The following ANKRD44 variants were observed in gnomAD, a reference collection of about 807,000 sequenced individuals.
The protein encoded by ANKRD44 is serine/threonine-protein phosphatase 6 regulatory ankyrin repeat subunit B.
Under a neutral mutation model 116.0 loss-of-function variants are expected in ANKRD44, and 35 were observed. The observed-to-expected ratio is 0.30, with a 90% CI of 0.23 to 0.40. The LOEUF (loss-of-function observed/expected upper bound fraction) is 0.40. ANKRD44 is among the 10% of genes least tolerant of loss of function. ANKRD44 has a pLI of 1.00. For missense variants in ANKRD44, 1,014 were observed against 1,242.6 expected (o/e 0.82, Z 2.77); for synonymous variants, 435 against 461.8 (o/e 0.94, Z 0.74).
chr2:197,058,342 T>C (rs1229703629), intron 16 of ANKRD44, among the ~76,000 whole-genome samples: 2 of 151,564 alleles, frequency 1.3e-5, no homozygotes, highest in Non-Finnish European at 2.9e-5. Flanking sequence ...AGAAAAGCAC[T>C]GGAGTTGAAT....
chr2:197,209,024 G>A (rs2081270019), intron 1 of ANKRD44, among the ~76,000 whole-genome samples: 1 of 152,184 alleles, frequency 6.6e-6, no homozygotes, highest in Non-Finnish European at 1.5e-5. Flanking sequence ...TAACAGGCAA[G>A]ACTATTAGAG....
At chr2:196,969,904 C>A (rs905535749) in intron 21 of ANKRD44, among the ~76,000 whole-genome samples, 2 of 152,082 alleles carry the variant, frequency 1.3e-5, no homozygotes, top group African/African-American at 4.8e-5. Context: ...AAGAATATAT[C>A]CTTTTAGGAA....
intron 1 of ANKRD44, among the ~76,000 whole-genome samples, chr2:197,272,331 C>T (rs550278682): frequency 3.3e-5 from 5 of 152,288 alleles, no homozygotes; most frequent in East Asian, 3.9e-4. Context: ...CTCCGCCTCC[C>T]GGGTTCAAGC....
intron 16 of ANKRD44, among the ~76,000 whole-genome samples, chr2:197,069,486 C>T (rs62279193): frequency 0.12 from 18,910 of 152,074 alleles, 1,410 homozygotes; most frequent in Non-Finnish European, 0.17. Context: ...AATTGCTTTT[C>T]CACCTTTGTT....
At chr2:197,174,110 T>C (rs2080306253) in intron 2 of ANKRD44, among the ~76,000 whole-genome samples, 1 of 152,180 alleles carries the variant, frequency 6.6e-6, no homozygotes, top group African/African-American at 2.4e-5. Context: ...CTTATGAAAA[T>C]TCTTACATGG....
At chr2:197,151,525 C>G (rs1000969759) in intron 2 of ANKRD44, among the ~76,000 whole-genome samples, 3 of 152,008 alleles carry the variant, frequency 2.0e-5, no homozygotes, top group Admixed American at 2.0e-4. Context: ...TAGACAGCAT[C>G]TAAAATTTTG....
In ANKRD44 at chr2:196,975,787, C is replaced by CA. The variant is rs1298655216; in HGVS notation, c.2369-8342dup. Among the ~76,000 whole-genome samples, 192 of 58,408 alleles carry CA rather than the reference C, an allele frequency of 3.3e-3. 1 individual carries two copies. Among genetic ancestry groups the CA allele is most frequent in the East Asian group, 0.025 (63 of 2,522 alleles). The allele number at this position is 58,408 out of a possible 152,430, so 38.3% of individuals were successfully genotyped here. A position where few individuals can be genotyped will look rare whatever the true frequency, so the allele number is the denominator to read the frequency against. On this transcript the variant is annotated intron_variant, in intron 21 of 21. Coordinates refer to the ANKRD44 transcript ENST00000424317. ...TGGGTGACAGAGCTAGTCTCTGTCT[C>CA]AAAAAAAAAAAAGAAAAAGAAAAAA... is the stretch of plus-strand genomic sequence containing the variant.
intron 1 of ANKRD44, among the ~76,000 whole-genome samples, chr2:197,227,237 G>A (rs1382434216): frequency 1.3e-5 from 2 of 152,238 alleles, no homozygotes; most frequent in Non-Finnish European, 2.9e-5. Flanking sequence ...TGAACTAAAA[G>A]CCTTCATATA....
chr2:197,160,089 T>C (rs2125493213), intron 2 of ANKRD44, among the ~76,000 whole-genome samples: 1 of 152,156 alleles, frequency 6.6e-6, no homozygotes, highest in African/African-American at 2.4e-5. Context: ...CACATACGCA[T>C]GCACTTTCAT....
intron 2 of ANKRD44, among the ~76,000 whole-genome samples, chr2:197,161,294 C>G (rs1338614504): frequency 6.6e-6 from 1 of 152,126 alleles, no homozygotes; most frequent in East Asian, 1.9e-4. Flanking sequence ...CCTACACATA[C>G]TTGAGCACAC....
intron 6 of ANKRD44, among the ~76,000 whole-genome samples, chr2:197,123,690 G>A (rs2078911289): frequency 6.6e-6 from 1 of 152,170 alleles, no homozygotes; most frequent in Non-Finnish European, 1.5e-5. Flanking sequence ...TTTCGGGACT[G>A]AAGATTGTTC....
chr2:197,217,537 T>C (rs1238181457), intron 1 of ANKRD44, among the ~76,000 whole-genome samples: 1 of 152,190 alleles, frequency 6.6e-6, no homozygotes, highest in Non-Finnish European at 1.5e-5. Flanking sequence ...AATAGCACAT[T>C]CAATTGGGTA....
At chr2:196,992,882 C>T (rs886978757) in intron 27 of ANKRD44, 4 of 152,626 alleles carry the variant, frequency 2.6e-5, no homozygotes, top group African/African-American at 9.7e-5. Context: ...TTAAAAATTA[C>T]ATAATTCATA....
intron 13 of ANKRD44, among the ~76,000 whole-genome samples, chr2:197,085,299 T>C (rs1217578995): frequency 6.6e-6 from 1 of 152,072 alleles, no homozygotes; most frequent in South Asian, 2.1e-4. Flanking sequence ...GGCCCAAAGA[T>C]AGGGAGAAAA....
At chr2:197,284,306 T>A (rs1157619449) in intron 1 of ANKRD44, among the ~76,000 whole-genome samples, 2 of 152,072 alleles carry the variant, frequency 1.3e-5, no homozygotes, top group Non-Finnish European at 2.9e-5. Flanking sequence ...TTCCCTATCA[T>A]CCCTCAGGAC....
chr2:197,225,411 TCAG>T (rs2081682417), intron 1 of ANKRD44, among the ~76,000 whole-genome samples: 1 of 152,178 alleles, frequency 6.6e-6, no homozygotes, highest in East Asian at 1.9e-4. Context: ...TGGCGCAATC[TCAG>T]CTTACTGCAA....
chr2:197,142,652 T>C (rs1003569100), intron 3 of ANKRD44, among the ~76,000 whole-genome samples: 1 of 152,206 alleles, frequency 6.6e-6, no homozygotes, highest in African/African-American at 2.4e-5. Context: ...AAAATCAGCA[T>C]TGCCTGGTTT....
intron 16 of ANKRD44, among the ~76,000 whole-genome samples, chr2:197,068,156 A>C (rs1352024319): frequency 8.3e-6 from 1 of 119,812 alleles, no homozygotes; most frequent in Non-Finnish European, 1.7e-5. Flanking sequence ...GTGGGAATTG[A>C]ACAATGAGAT....
At chr2:197,097,722 C>A (rs548433357) in intron 10 of ANKRD44, among the ~76,000 whole-genome samples, 1 of 152,154 alleles carries the variant, frequency 6.6e-6, no homozygotes, top group African/African-American at 2.4e-5. Context: ...ACGTCTGGAC[C>A]GCCTGCAGTA....
Sources: allele counts gnomAD v4.1 joint callset (sites outside exome capture counted in the v4.1 genomes callset), GRCh38; gene constraint gnomAD v4.1.1; transcripts MANE v1.5; gene names NCBI Gene and HGNC (gene_info 2026-07-23, HGNC 2026-07-21).